Variants in AKAP12 observed in about 807,000 individuals in gnomAD.
AKAP12 encodes A-kinase anchor protein 12.
AKAP12 carries 32 observed loss-of-function variants against 79.9 expected under a neutral mutation model. The ratio of observed to expected loss-of-function variants is 0.40; its 90% CI spans 0.30 to 0.54. The LOEUF is 0.54. AKAP12 is among the 20% of genes least tolerant of loss of function. AKAP12 has a pLI of 0.48. For missense variants in AKAP12, 2,074 were observed against 2,177.0 expected (o/e 0.95, Z 0.94); for synonymous variants, 808 against 857.0 (o/e 0.94, Z 1.00).
chr6:151,261,733 T>TTTATTTATTTA, intron 2 of AKAP12, among the ~76,000 whole-genome samples: 1 of 144,028 alleles, frequency 6.9e-6, no homozygotes, highest in East Asian at 2.1e-4. Context: ...GTTTTTATTA[T>TTTATTTATTTA]TTTATTTATT....
chr6:151,303,202 TAAAAA>T (rs1018481325), intron 2 of AKAP12, among the ~76,000 whole-genome samples: 1 of 151,726 alleles, frequency 6.6e-6, no homozygotes, highest in Non-Finnish European at 1.5e-5. Flanking sequence ...AAAATAAAAA[TAAAAA>T]AAAGAAATAC....
Position 151,356,539 on chromosome 6 carries a change from T to C in AKAP12, c.*825T>C, listed in dbSNP as rs537459302. 2.0e-5 allele frequency: 3 copies of C among 152,314 alleles called. No homozygotes were observed. The highest frequency in any genetic ancestry group is 1.3e-4 in the Admixed American group (2 of 15,296). The allele number at this position is 152,314 out of a possible 1,614,324, so 9.4% of individuals were successfully genotyped here. ...ATCCTGAGGCAAAGTAGTGAATATGTTTTATATGTTATGAAGAAAAGAATT... is the reference window on the plus strand; with the variant it reads ...ATCCTGAGGCAAAGTAGTGAATATGCTTTATATGTTATGAAGAAAAGAATT... On this transcript the variant is annotated 3_prime_UTR_variant, in exon 5 of 5. Coordinates refer to ENST00000402676, the MANE Select transcript of AKAP12 (RefSeq NM_005100.4).
intron 2 of AKAP12, among the ~76,000 whole-genome samples, chr6:151,255,116 T>G (rs1025031525): frequency 6.6e-6 from 1 of 152,124 alleles, no homozygotes; most frequent in East Asian, 1.9e-4. Context: ...AAAAATGAAG[T>G]TACAGTTATA....
At position 151,305,781 on chromosome 6, in the gene AKAP12, A is replaced by G. The variant is rs749321666; in HGVS notation, c.197A>G (p.Asn66Ser). The G allele has an allele frequency of 5.6e-6, 9 of 1,613,700 alleles. No individual in the cohort carries two copies. The highest frequency in any genetic ancestry group is 2.2e-5 in the East Asian group (1 of 44,886). Reference sequence around the variant, plus strand: ...AAGAATGGTCAGCTGTCCACCATCAATGGCGTAGCTGAGCAAGATGAGCTC... The same window carrying G: ...AAGAATGGTCAGCTGTCCACCATCAGTGGCGTAGCTGAGCAAGATGAGCTC... ...LQKNGQLSTI[N>S]GVAEQDELSL... Residue 66 changes from asparagine to serine, a missense_variant, in exon 3 of 5, where the codon AAT becomes AGT. Coordinates refer to ENST00000402676, the MANE Select transcript of AKAP12 (RefSeq NM_005100.4).
At chr6:151,333,646 G>A (rs976858186) in intron 3 of AKAP12, among the ~76,000 whole-genome samples, 4 of 151,710 alleles carry the variant, frequency 2.6e-5, no homozygotes, top group African/African-American at 9.7e-5. Context: ...GGGAGGCTGA[G>A]GCAGGAAAAT....
intron 3 of AKAP12, among the ~76,000 whole-genome samples, chr6:151,326,610 C>G (rs1366532624): frequency 6.6e-6 from 1 of 152,052 alleles, no homozygotes; most frequent in East Asian, 1.9e-4. Context: ...AACTTACACG[C>G]ATCAAACTTT....
At chr6:151,254,685 G>A (rs1797256362) in intron 2 of AKAP12, among the ~76,000 whole-genome samples, 1 of 152,130 alleles carries the variant, frequency 6.6e-6, no homozygotes, top group South Asian at 2.1e-4. Context: ...AGCTCATTTA[G>A]CCTTGATTAA....
chr6:151,351,105 T>A lies in AKAP12; in HGVS notation c.2714T>A (p.Ile905Asn). The A allele has an allele frequency of 6.2e-7, 1 of 1,614,136 alleles. No individual in the cohort carries two copies. Among genetic ancestry groups the A allele is most frequent in the Non-Finnish European group, 8.5e-7 (1 of 1,180,026 alleles). The change falls in exon 4 of 5, where the codon ATT becomes AAT. Residue 905 changes from isoleucine (I) to asparagine (N), a missense_variant. Transcript: ENST00000402676. This position sits in a 1 kb window ranked among gnomAD's most constrained non-coding sequence, Gnocchi z 4.4. ...GCTGACGGGACGAGGGCAGCTACCA[T>A]TATTGAAGAAAGGTCTCCTTCTTGG... The part of the protein sequence containing the change: ...AVADGTRAAT[I>N]IEERSPSWIS...
intron 2 of AKAP12, among the ~76,000 whole-genome samples, chr6:151,245,450 C>A (rs1210628744): frequency 2.6e-5 from 4 of 151,884 alleles, no homozygotes; most frequent in Non-Finnish European, 5.9e-5. Context: ...CACCCACCAC[C>A]ACGCCCAGCT....
At position 151,305,844 on chromosome 6, in the gene AKAP12, C is replaced by T. The variant is rs750360337; in HGVS notation, c.260C>T (p.Ala87Val). ...GGTGACCTAAATGGCCAGAAAGGAG[C>T]CCTGAACGGTCAAGGAGCCCTAAAC... ...QEGDLNGQKG[A>V]LNGQGALNSQ... The change falls in exon 3 of 5, where the codon GCC becomes GTC. Residue 87 changes from alanine (A) to valine (V), a missense_variant. Transcript: ENST00000402676. 13 of 1,613,912 alleles carry T rather than the reference C, an allele frequency of 8.1e-6. No homozygotes were observed. The highest frequency in any genetic ancestry group is 1.0e-5 in the Non-Finnish European group (12 of 1,179,946).
intron 3 of AKAP12, among the ~76,000 whole-genome samples, chr6:151,322,072 G>A (rs1281510757): frequency 1.3e-5 from 2 of 151,874 alleles, no homozygotes; most frequent in Non-Finnish European, 2.9e-5. Context: ...ACCACGCCCG[G>A]CTAATTTTTG....
intron 3 of AKAP12, among the ~76,000 whole-genome samples, chr6:151,344,255 C>T (rs780525888): frequency 6.6e-6 from 1 of 151,998 alleles, no homozygotes; most frequent in Non-Finnish European, 1.5e-5. Context: ...ATACTGATGG[C>T]AGAAAAAATG....
intron 2 of AKAP12, among the ~76,000 whole-genome samples, chr6:151,255,145 C>T (rs1016556753): frequency 2.7e-5 from 4 of 150,476 alleles, no homozygotes; most frequent in Admixed American, 6.6e-5. Context: ...ACTGGAAAAA[C>T]AGTAGATGGG....
chr6:151,332,868 G>A (rs1159358039), intron 3 of AKAP12, among the ~76,000 whole-genome samples: 1 of 152,216 alleles, frequency 6.6e-6, no homozygotes, highest in African/African-American at 2.4e-5. Flanking sequence ...CTCAGCACCA[G>A]TGAGTACGTG....
At chr6:151,258,166 C>T (rs1028304235) in intron 2 of AKAP12, among the ~76,000 whole-genome samples, 1 of 152,156 alleles carries the variant, frequency 6.6e-6, no homozygotes, top group Non-Finnish European at 1.5e-5. Context: ...CTCTGCCGCT[C>T]CTGCAATGAA....
chr6:151,240,083 C>T (rs376492383), intron 1 of AKAP12, 24 bp downstream of exon 1: 1 of 153,790 alleles, frequency 6.5e-6, no homozygotes, highest in Non-Finnish European at 1.4e-5. Flanking sequence ...TAATAAACCC[C>T]AGAGAATCCA....
chr6:151,286,460 G>A (rs541033350), intron 2 of AKAP12, among the ~76,000 whole-genome samples: 1 of 152,216 alleles, frequency 6.6e-6, no homozygotes, highest in Non-Finnish European at 1.5e-5. Context: ...TCATGAGGAA[G>A]CGCCAACCCT....
chr6:151,305,394 C>G (rs868306852), intron 2 of AKAP12, among the ~76,000 whole-genome samples: 19 of 152,262 alleles, frequency 1.2e-4, no homozygotes, highest in Middle Eastern at 3.4e-3. Flanking sequence ...GTTTTTAAGT[C>G]TGCCTTCCAT....
chr6:151,302,712 T>C (rs528274994), intron 2 of AKAP12, among the ~76,000 whole-genome samples: 12 of 152,302 alleles, frequency 7.9e-5, no homozygotes, highest in African/African-American at 2.9e-4. Flanking sequence ...TAAGATGGCT[T>C]TTTTATGTTC....
Sources: gnomAD v4.1 joint callset for allele counts (sites outside exome capture counted in the v4.1 genomes callset) on GRCh38, gnomAD v4.1.1 for gene constraint, Gnocchi (gnomAD v3.1) non-coding constraint, MANE v1.5 for transcripts, NCBI Gene and HGNC (gene_info 2026-07-23, HGNC 2026-07-21) for gene names.